Variants in FAAH2 observed in about 807,000 individuals in gnomAD.
FAAH2 encodes the protein fatty-acid amide hydrolase 2.
In FAAH2, 60 loss-of-function variants were observed where a neutral mutation model predicts 36.9. That is an observed-to-expected ratio of 1.63 (90% CI 1.32 to 2.02). The LOEUF is 2.02. Among genes scored for constraint, FAAH2 ranks in the 30% most tolerant of loss-of-function variants. The pLI, the probability that FAAH2 is intolerant of heterozygous loss-of-function variation, is 0.00. For synonymous variants in FAAH2, 214 were observed against 143.8 expected, an observed-to-expected ratio of 1.49 and a Z score of -3.49; for missense variants, 689 against 397.5, an observed-to-expected ratio of 1.73 and a Z score of -6.23.
intron 7 of FAAH2, among the ~76,000 whole-genome samples, chrX:57,403,828 T>C (rs928679870): frequency 8.9e-6 from 1 of 112,574 alleles, no homozygotes; most frequent in African/African-American, 3.2e-5. Context: ...TGTATGGTAA[T>C]TAAGATTTAA....
chrX:57,186,630 C>T, the FAAH2 span, among the ~76,000 whole-genome samples: 7 of 111,888 alleles, frequency 6.3e-5, no homozygotes, highest in Non-Finnish European at 1.3e-4. Context: ...GTCATGAAGT[C>T]TTTGCCTATG....
the FAAH2 span, among the ~76,000 whole-genome samples, chrX:57,270,778 C>T: frequency 4.5e-5 from 5 of 111,516 alleles, no homozygotes; most frequent in Admixed American, 1.9e-4. Context: ...GGGTCTAAGC[C>T]TGAGGAACTC....
At chrX:57,161,407 G>A in the FAAH2 span, among the ~76,000 whole-genome samples, 169 of 111,029 alleles carry the variant, frequency 1.5e-3, no homozygotes, top group Middle Eastern at 0.033. Context: ...TCGGCTCCTG[G>A]ATATCCTTGT....
chrX:57,433,275 A>T (rs2056342386), intron 8 of FAAH2, among the ~76,000 whole-genome samples: 1 of 110,374 alleles, frequency 9.1e-6, no homozygotes, highest in Non-Finnish European at 1.9e-5. Flanking sequence ...AGGGGGGAAA[A>T]ATCTGCTCTC....
chrX:57,181,466 AG>A, the FAAH2 span, among the ~76,000 whole-genome samples: 5 of 111,337 alleles, frequency 4.5e-5, no homozygotes, highest in East Asian at 1.4e-3. Flanking sequence ...GAACCAAATC[AG>A]GAAGCCCATT....
the FAAH2 span, among the ~76,000 whole-genome samples, chrX:57,251,883 G>T: frequency 7.2e-5 from 8 of 111,794 alleles, no homozygotes; most frequent in East Asian, 2.0e-3. Context: ...GAGCCAAAGT[G>T]GGGGGTGGGG....
At chrX:57,250,507 A>T in the FAAH2 span, among the ~76,000 whole-genome samples, 8 of 111,333 alleles carry the variant, frequency 7.2e-5, no homozygotes, top group African/African-American at 2.6e-4. Flanking sequence ...GTAGATTGAA[A>T]GTGTTCTCAC....
intron 10 of FAAH2, among the ~76,000 whole-genome samples, chrX:57,453,456 C>A (rs2056818353): frequency 1.8e-5 from 2 of 111,865 alleles, no homozygotes; most frequent in Admixed American, 1.9e-4. Flanking sequence ...GACACAGCCT[C>A]CTGTTATCCA....
At chrX:57,281,592 T>A in the FAAH2 span, among the ~76,000 whole-genome samples, 11 of 112,076 alleles carry the variant, frequency 9.8e-5, no homozygotes, top group East Asian at 2.8e-3. Context: ...TTAGGTTTAG[T>A]GGTACATGTA....
chrX:57,230,013 T>C, the FAAH2 span, among the ~76,000 whole-genome samples: 128 of 111,995 alleles, frequency 1.1e-3, no homozygotes, highest in Middle Eastern at 4.6e-3. Flanking sequence ...CTATTCCACA[T>C]CTAAGTTTTA....
the FAAH2 span, among the ~76,000 whole-genome samples, chrX:57,167,439 T>A: frequency 8.9e-6 from 1 of 112,059 alleles, no homozygotes; most frequent in Admixed American, 9.5e-5. Context: ...TGTAATTATT[T>A]GCTAAGCTCT....
At chrX:57,191,524 T>C in the FAAH2 span, among the ~76,000 whole-genome samples, 1,626 of 111,657 alleles carry the variant, frequency 0.015, 40 homozygotes, top group African/African-American at 0.05. Flanking sequence ...TTTGTTCTGG[T>C]TGGCTATGCT....
chrX:57,249,139 A>T, the FAAH2 span, among the ~76,000 whole-genome samples: 1 of 111,692 alleles, frequency 9.0e-6, no homozygotes, highest in Non-Finnish European at 1.9e-5. Flanking sequence ...TTGAAATATG[A>T]GTTTGGAGCC....
At chrX:57,329,753 G>A (rs943402969) in intron 3 of FAAH2, among the ~76,000 whole-genome samples, 1 of 110,662 alleles carries the variant, frequency 9.0e-6, no homozygotes, top group Non-Finnish European at 1.9e-5. Context: ...AGGAAGTCAG[G>A]GACCCCAAAC....
chrX:57,344,536 A>G (rs1030889803), intron 5 of FAAH2, among the ~76,000 whole-genome samples: 4 of 111,232 alleles, frequency 3.6e-5, no homozygotes, highest in African/African-American at 1.3e-4. Context: ...GTCAGCAGAG[A>G]GAGATTGACT....
chrX:57,130,702 G>T, the FAAH2 span, among the ~76,000 whole-genome samples: 1 of 111,730 alleles, frequency 9.0e-6, no homozygotes, highest in Non-Finnish European at 1.9e-5. Context: ...AGATTTTAGG[G>T]GAGTCAGTGG....
the FAAH2 span, among the ~76,000 whole-genome samples, chrX:57,272,020 G>A: frequency 2.7e-5 from 3 of 109,160 alleles, no homozygotes; most frequent in African/African-American, 6.7e-5. Context: ...AAGGTTAGCC[G>A]AATTGCTAAC....
intron 10 of FAAH2, among the ~76,000 whole-genome samples, chrX:57,454,743 G>C (rs2056838954): frequency 9.0e-6 from 1 of 111,131 alleles, no homozygotes; most frequent in East Asian, 2.8e-4. Flanking sequence ...AACTCAGTCA[G>C]ACAAAAATAA....
At chrX:57,383,962 G>A (rs1367986534) in intron 7 of FAAH2, among the ~76,000 whole-genome samples, 2 of 111,629 alleles carry the variant, frequency 1.8e-5, no homozygotes, top group Non-Finnish European at 3.8e-5. Flanking sequence ...CATGGTACTG[G>A]TACCAAAACA....
Sources: allele counts gnomAD v4.1 joint callset (sites outside exome capture counted in the v4.1 genomes callset), GRCh38; gene constraint gnomAD v4.1.1; transcripts MANE v1.5; gene names NCBI Gene and HGNC (gene_info 2026-07-23, HGNC 2026-07-21).